The following PDIK1L variants were observed in gnomAD, a reference collection of about 807,000 sequenced individuals.
The protein encoded by PDIK1L is serine/threonine-protein kinase PDIK1L.
A neutral mutation model predicts 27.1 loss-of-function variants in PDIK1L; 9 were observed. The observed-to-expected ratio is 0.33, with a 90% CI of 0.20 to 0.58. PDIK1L has a LOEUF of 0.58. Among genes scored for constraint, PDIK1L ranks in the 20% least tolerant of loss-of-function variants. The pLI, the probability that PDIK1L is intolerant of heterozygous loss-of-function variation, is 0.86. For synonymous variants in PDIK1L, 130 were observed against 141.7 expected (o/e 0.92, Z 0.59); for missense variants, 216 against 413.2 (o/e 0.52, Z 4.14).
At chr1:26,118,089 T>A (rs530699526) in intron 2 of PDIK1L, among the ~76,000 whole-genome samples, 1 of 151,126 alleles carries the variant, frequency 6.6e-6, no homozygotes, top group African/African-American at 2.4e-5. Context: ...AGAACCTTGC[T>A]GAACTTTACA....
Position 26,124,822 on chromosome 1 carries a change from G to A in PDIK1L, c.*2245G>A, listed in dbSNP as rs1296809382. The stretch of plus-strand genomic sequence containing the variant: ...TTATTAAGTACCTACTGTGTGCTCA[G>A]CACTAAAGGTTTGTTGATAAAATGA... On this transcript the variant is annotated 3_prime_UTR_variant, in exon 3 of 3. Transcript: ENST00000374269. The A allele has an allele frequency of 2.6e-5, 4 of 152,142 alleles. No individual in the cohort carries two copies. The highest frequency in any genetic ancestry group is 5.9e-5 in the Non-Finnish European group (4 of 67,994). 9.4% of individuals were successfully genotyped at this position (152,142 alleles called of 1,614,324 possible).
intron 2 of PDIK1L, among the ~76,000 whole-genome samples, chr1:26,119,417 C>T (rs1557596472): frequency 6.6e-6 from 1 of 151,874 alleles, no homozygotes; most frequent in Non-Finnish European, 1.5e-5. Flanking sequence ...CTCTCTCTCT[C>T]TCTCTCTCAC....
Position 26,122,601 on chromosome 1 carries a change from GGAT to G in PDIK1L, c.*28_*30del. 1 of 1,578,334 alleles carries G rather than the reference GGAT, an allele frequency of 6.3e-7. No homozygotes were observed. The highest frequency in any genetic ancestry group is 2.2e-5 in the East Asian group (1 of 44,586). The stretch of plus-strand genomic sequence containing the variant: ...GACACATATTATTTGCAAATACCAT[GGAT>G]GATATGCTGCTTCTGTTTAACAGTG... On this transcript the variant is annotated 3_prime_UTR_variant, in exon 3 of 3. Coordinates refer to ENST00000374269, the MANE Select transcript of PDIK1L (RefSeq NM_152835.5). The surrounding 1 kb of genome is among the most constrained non-coding windows in gnomAD (Gnocchi z 5.4).
chr1:26,122,343 A>G lies in PDIK1L; in HGVS notation c.792A>G (p.Glu264=), dbSNP rs1330567046. The stretch of plus-strand genomic sequence containing the variant: ...TCATAGACACAGAGACAAAGAAGGA[A>G]CTCTTGGGGAGTTATGTAAAACAAG... The part of the protein sequence containing the change: ...ITFIDTETKK[E]LLGSYVKQGT... The change falls in exon 3 of 3, where the codon GAA becomes GAG. Residue 264 remains glutamate, a synonymous_variant. Transcript: ENST00000374269. This position sits in a 1 kb window ranked among gnomAD's most constrained non-coding sequence, Gnocchi z 5.4. 2 of 1,614,084 alleles carry G rather than the reference A, an allele frequency of 1.2e-6. No homozygotes were observed. The highest frequency in any genetic ancestry group is 1.7e-6 in the Non-Finnish European group (2 of 1,179,992).
At position 26,122,319 on chromosome 1, in the gene PDIK1L, C is replaced by T. The variant is rs776813924; in HGVS notation, c.768C>T (p.Phe256=). Residue 256 remains phenylalanine, a synonymous_variant, in exon 3 of 3, where the codon TTC becomes TTT. Transcript: ENST00000374269. This position sits in a 1 kb window ranked among gnomAD's most constrained non-coding sequence, Gnocchi z 5.4. The stretch of plus-strand genomic sequence containing the variant: ...GGGCAATGCTGGAAAGGATCACATT[C>T]ATAGACACAGAGACAAAGAAGGAAC... ...IIWAMLERIT[F]IDTETKKELL... 37 of 1,614,008 alleles carry T rather than the reference C, an allele frequency of 2.3e-5. No homozygotes were observed. The South Asian group carries it at 4.1e-4, about 18-fold the overall frequency.
rs1254253449 is a variant in PDIK1L, at chr1:26,122,694, T to C, written c.*117T>C. The C allele has an allele frequency of 4.0e-6, 5 of 1,241,180 alleles. No homozygotes were observed. Among genetic ancestry groups the C allele is most frequent in the Non-Finnish European group, 5.2e-6 (5 of 952,682 alleles). 76.9% of individuals were successfully genotyped at this position (1,241,180 alleles called of 1,614,324 possible). A position where few individuals can be genotyped will look rare whatever the true frequency, so the allele number is the denominator to read the frequency against. ...GACTCTACCCTCTAAGGGTTTAGATTTTTTGTGGGATTTTTTTTTTCCTCA... is the reference window on the plus strand; with the variant it reads ...GACTCTACCCTCTAAGGGTTTAGATCTTTTGTGGGATTTTTTTTTTCCTCA... On this transcript the variant is annotated 3_prime_UTR_variant, in exon 3 of 3. Transcript: ENST00000374269. This position sits in a 1 kb window ranked among gnomAD's most constrained non-coding sequence, Gnocchi z 5.4.
rs183256022 is a variant in PDIK1L at position 26,124,588 on chromosome 1, A to G, written c.*2011A>G. 1.3e-5 allele frequency: 2 copies of G among 152,296 alleles called. No homozygotes were observed. The highest frequency in any genetic ancestry group is 3.9e-4 in the East Asian group (2 of 5,182). 9.4% of individuals were successfully genotyped at this position (152,296 alleles called of 1,614,324 possible). A position where few individuals can be genotyped will look rare whatever the true frequency, so the allele number is the denominator to read the frequency against. Reference sequence around the variant, plus strand: ...CTTGGAGCCACAGTTTCCTAAGCGCATAGTTTTTGGTCCTGCCTCATGTAA... The same window carrying G: ...CTTGGAGCCACAGTTTCCTAAGCGCGTAGTTTTTGGTCCTGCCTCATGTAA... On this transcript the variant is annotated 3_prime_UTR_variant, in exon 3 of 3. Transcript: ENST00000374269.
chr1:26,123,203 C>T lies in PDIK1L; in HGVS notation c.*626C>T, dbSNP rs2088022308. On this transcript the variant is annotated 3_prime_UTR_variant, in exon 3 of 3. Coordinates refer to ENST00000374269, the MANE Select transcript of PDIK1L (RefSeq NM_152835.5). ...TTTTTTTTTTTTTTGTAATATACAG[C>T]TTTTTTTTTAAGGCATCATTTTCGA... The T allele has an allele frequency of 1.4e-5, 2 of 144,622 alleles. No homozygotes were observed. The highest frequency in any genetic ancestry group is 2.6e-5 in the African/African-American group (1 of 38,992). The allele number at this position is 144,622 out of a possible 1,614,324, so 9.0% of individuals were successfully genotyped here.
Position 26,124,551 on chromosome 1 carries a change from A to G in PDIK1L, c.*1974A>G, listed in dbSNP as rs1451113675. The G allele has an allele frequency of 2.6e-5, 4 of 152,198 alleles. No individual in the cohort carries two copies. The highest frequency in any genetic ancestry group is 4.4e-5 in the Non-Finnish European group (3 of 68,018). The allele number at this position is 152,198 out of a possible 1,614,324, so 9.4% of individuals were successfully genotyped here. ...ATGCCCATGCATCATTTGCTCTTCA[A>G]ATATCTATGTGCTTGGAGCCACAGT... On this transcript the variant is annotated 3_prime_UTR_variant, in exon 3 of 3. Transcript: ENST00000374269.
In PDIK1L at chr1:26,123,355, T is replaced by C. The variant is rs1569823535; in HGVS notation, c.*778T>C. 1 of 152,378 alleles carries C rather than the reference T, an allele frequency of 6.6e-6. No homozygotes were observed. Among genetic ancestry groups the C allele is most frequent in the East Asian group, 1.9e-4 (1 of 5,190 alleles). The allele number at this position is 152,378 out of a possible 1,614,324, so 9.4% of individuals were successfully genotyped here. A position where few individuals can be genotyped will look rare whatever the true frequency, so the allele number is the denominator to read the frequency against. ...GTCATGCAGTCATATGGCAGCAGGT[T>C]GGTGATTCAGTCCGACCTTCTTTAG... On this transcript the variant is annotated 3_prime_UTR_variant, in exon 3 of 3. Transcript: ENST00000374269.
At position 26,122,344 on chromosome 1, in the gene PDIK1L, C is replaced by T. The variant is rs766944179; in HGVS notation, c.793C>T (p.Leu265Phe). 3.7e-6 allele frequency: 6 copies of T among 1,614,140 alleles called. No individual in the cohort carries two copies. The South Asian group carries it at 5.5e-5, about 15-fold the overall frequency. Residue 265 changes from leucine (L) to phenylalanine (F), a missense_variant, in exon 3 of 3, where the codon CTC becomes TTC. By Grantham distance (22) the Leu-to-Phe change is conservative. Transcript: ENST00000374269. This position sits in a 1 kb window ranked among gnomAD's most constrained non-coding sequence, Gnocchi z 5.4. ...CATAGACACAGAGACAAAGAAGGAA[C>T]TCTTGGGGAGTTATGTAAAACAAGG... ...TFIDTETKKELLGSYVKQGTE... is the reference protein window; with the variant it reads ...TFIDTETKKEFLGSYVKQGTE...
rs1031762904 is a variant in PDIK1L, at chr1:26,124,544, C to T, written c.*1967C>T. ...TGATGGTATGCCCATGCATCATTTG[C>T]TCTTCAAATATCTATGTGCTTGGAG... On this transcript the variant is annotated 3_prime_UTR_variant, in exon 3 of 3. Coordinates refer to ENST00000374269, the MANE Select transcript of PDIK1L (RefSeq NM_152835.5). 1 of 152,168 alleles carries T rather than the reference C, an allele frequency of 6.6e-6. No individual in the cohort carries two copies. The allele number at this position is 152,168 out of a possible 1,614,324, so 9.4% of individuals were successfully genotyped here.
chr1:26,117,101 G>C (rs1044595906), intron 2 of PDIK1L, among the ~76,000 whole-genome samples: 1 of 141,218 alleles, frequency 7.1e-6, no homozygotes. Context: ...GTGCGATCTC[G>C]GCTCACTGCA....
chr1:26,118,233 AT>A (rs1319279898), intron 2 of PDIK1L, among the ~76,000 whole-genome samples: 1 of 152,164 alleles, frequency 6.6e-6, no homozygotes, highest in African/African-American at 2.4e-5. Flanking sequence ...AGGCAGGAGG[AT>A]TGCTAGAGTC....
At chr1:26,117,634 C>T (rs2087902169) in intron 2 of PDIK1L, among the ~76,000 whole-genome samples, 1 of 151,868 alleles carries the variant, frequency 6.6e-6, no homozygotes, top group Non-Finnish European at 1.5e-5. Context: ...TCCCAGCTAC[C>T]CAGGAGACTG....
At position 26,124,711 on chromosome 1, in the gene PDIK1L, T is replaced by A. The variant is rs764742771; in HGVS notation, c.*2134T>A. ...TATGAGGTGATCAGGAAGTTTCTTC[T>A]GGAATTTTATCAAGTCCTTGTATTC... On this transcript the variant is annotated 3_prime_UTR_variant, in exon 3 of 3. Coordinates refer to ENST00000374269, the MANE Select transcript of PDIK1L (RefSeq NM_152835.5). 3.9e-5 allele frequency: 6 copies of A among 152,212 alleles called. No individual in the cohort carries two copies. Among genetic ancestry groups the A allele is most frequent in the Non-Finnish European group, 8.8e-5 (6 of 68,016 alleles). The allele number at this position is 152,212 out of a possible 1,614,324, so 9.4% of individuals were successfully genotyped here.
chr1:26,113,998 C>G (rs568177710), intron 1 of PDIK1L, among the ~76,000 whole-genome samples: 11 of 152,284 alleles, frequency 7.2e-5, no homozygotes, highest in Non-Finnish European at 1.5e-4. Flanking sequence ...TTTAACCTCT[C>G]CATTATATAG....
Position 26,114,151 on chromosome 1 carries a change from A to G in PDIK1L, c.-17-141A>G. The G allele has an allele frequency of 1.3e-6, 1 of 794,694 alleles. No individual in the cohort carries two copies. The highest frequency in any genetic ancestry group is 2.0e-6 in the Non-Finnish European group (1 of 512,552). The allele number at this position is 794,694 out of a possible 1,614,324, so 49.2% of individuals were successfully genotyped here. A position where few individuals can be genotyped will look rare whatever the true frequency, so the allele number is the denominator to read the frequency against. ...TTAGCTTTATTGTTACTATTCTTAA[A>G]ATTAGATTTCCCCTAGGTATAGCAA... On this transcript the variant is annotated intron_variant, in intron 1 of 2. Coordinates refer to ENST00000374269, the MANE Select transcript of PDIK1L (RefSeq NM_152835.5). The surrounding 1 kb of genome is among the most constrained non-coding windows in gnomAD (Gnocchi z 4.8).
chr1:26,112,382 CA>C (rs1430854636), intron 1 of PDIK1L: 2 of 152,290 alleles, frequency 1.3e-5, no homozygotes, highest in Admixed American at 6.5e-5. Context: ...GGTCGAAAGT[CA>C]CTTAGGTTCG....
Sources: gnomAD v4.1 joint callset for allele counts (sites outside exome capture counted in the v4.1 genomes callset) on GRCh38, gnomAD v4.1.1 for gene constraint, Gnocchi (gnomAD v3.1) non-coding constraint, MANE v1.5 for transcripts, NCBI Gene and HGNC (gene_info 2026-07-23, HGNC 2026-07-21) for gene names.